The following PLEKHA8 variants were observed in gnomAD, a reference collection of about 807,000 sequenced individuals.
PLEKHA8 encodes the protein pleckstrin homology domain containing A8, also known as pleckstrin homology domain-containing family A member 8.
PLEKHA8 carries 36 observed loss-of-function variants against 68.2 expected under a neutral mutation model. The ratio of observed to expected loss-of-function variants is 0.53; its 90% CI spans 0.40 to 0.70. PLEKHA8 has a LOEUF of 0.70. Ranked by LOEUF, PLEKHA8 falls within the 30% of genes least tolerant of loss-of-function variation. The pLI, the probability that PLEKHA8 is intolerant of heterozygous loss-of-function variation, is 0.00. For synonymous variants in PLEKHA8, 211 were observed against 216.1 expected (o/e 0.98, Z 0.20); for missense variants, 505 against 615.4 (o/e 0.82, Z 1.90).
At chr7:30,109,610 A>AG (rs1382620971) in intron 13 of PLEKHA8, among the ~76,000 whole-genome samples, 25 of 109,148 alleles carry the variant, frequency 2.3e-4, no homozygotes, top group Non-Finnish European at 4.3e-4. Context: ...AAAAAAAAAA[A>AG]AAAGAGAGAG....
At position 30,082,964 on chromosome 7, in the gene PLEKHA8, C is replaced by A. The variant is rs532441163; in HGVS notation, c.*4177C>A. The A allele has an allele frequency of 1.1e-4, 111 of 985,366 alleles. No homozygotes were observed. In the African/African-American group the frequency reaches 1.9e-3, roughly 17 times the overall value. 61.0% of individuals were successfully genotyped at this position (985,366 alleles called of 1,614,324 possible). On this transcript the variant is annotated 3_prime_UTR_variant, in exon 14 of 14. Transcript: ENST00000449726. ...GCGTCTCTGAATCACTGATTAAAAC[C>A]AGTTGCTTCTGATTTTAGTCACAGG...
At chr7:30,071,677 T>C (rs1794247076) in intron 12 of PLEKHA8, 2 of 152,218 alleles carry the variant, frequency 1.3e-5, no homozygotes, top group South Asian at 4.1e-4. Context: ...TCTTGTTGAA[T>C]AGAGCAGGTG....
chr7:30,069,181 G>A lies in PLEKHA8; in HGVS notation c.1301-4890G>A, dbSNP rs370230550. On this transcript the variant is annotated intron_variant, in intron 12 of 13. Coordinates refer to ENST00000449726, the MANE Select transcript of PLEKHA8 (RefSeq NM_001197026.2). The stretch of plus-strand genomic sequence containing the variant: ...GATCTTAGGGCAAGCACACTTCCCC[G>A]GTGCCTATCTGTTTCCCACCAGCCT... Among the ~76,000 whole-genome samples the A allele has an allele frequency of 1.1e-3, 167 of 152,256 alleles. 3 individuals are homozygous for A. In the South Asian group the frequency reaches 0.033, roughly 30 times the overall value.
chr7:30,066,688 T>C (rs62446708), intron 12 of PLEKHA8, among the ~76,000 whole-genome samples: 21,957 of 152,234 alleles, frequency 0.14, 1,624 homozygotes, highest in Middle Eastern at 0.19. Flanking sequence ...AAAGTTGCTC[T>C]GGCATTTCAT....
intron 13 of PLEKHA8, among the ~76,000 whole-genome samples, chr7:30,119,050 G>A (rs1261947721): frequency 6.6e-6 from 1 of 152,224 alleles, no homozygotes; most frequent in Non-Finnish European, 1.5e-5. Flanking sequence ...CCGTGGTACA[G>A]ACATGACTGC....
intron 13 of PLEKHA8, among the ~76,000 whole-genome samples, chr7:30,116,170 A>G (rs1408076762): frequency 6.6e-6 from 1 of 151,424 alleles, no homozygotes; most frequent in African/African-American, 2.4e-5. Context: ...ATACATGTGT[A>G]TACATATGTA....
chr7:30,087,095 ACCTTTTGCTTTGGCTTGAGAGT>A (rs1795213565), downstream of PLEKHA8, among the ~76,000 whole-genome samples: 1 of 152,086 alleles, frequency 6.6e-6, no homozygotes, highest in African/African-American at 2.4e-5. Context: ...CAGTTTTAGG[ACCTTTTGCTTTGGCTTGAGAGT>A]CCAGCTTGTT....
chr7:30,052,127 G>A (rs993105905), intron 6 of PLEKHA8, among the ~76,000 whole-genome samples: 2 of 152,182 alleles, frequency 1.3e-5, no homozygotes, highest in African/African-American at 4.8e-5. Context: ...AAACCAAAGA[G>A]CTGTCAATGA....
intron 12 of PLEKHA8, chr7:30,071,799 C>T (rs1448072690): frequency 1.3e-5 from 2 of 152,206 alleles, no homozygotes; most frequent in Non-Finnish European, 2.9e-5. Context: ...CAGTATCTTA[C>T]CTTGGTAACT....
chr7:30,060,540 T>A (rs964653630), intron 9 of PLEKHA8, among the ~76,000 whole-genome samples: 1 of 152,212 alleles, frequency 6.6e-6, no homozygotes, highest in African/African-American at 2.4e-5. Flanking sequence ...TCCAGTACAT[T>A]TTGGTTAGTA....
intron 12 of PLEKHA8, among the ~76,000 whole-genome samples, chr7:30,068,358 C>T (rs1302275978): frequency 6.6e-6 from 1 of 152,212 alleles, no homozygotes. Context: ...AGTGAGAGTT[C>T]CCAATACTCC....
chr7:30,095,995 C>T (rs1795604754), intron 13 of PLEKHA8, among the ~76,000 whole-genome samples: 1 of 152,124 alleles, frequency 6.6e-6, no homozygotes, highest in Non-Finnish European at 1.5e-5. Context: ...TTAGGATTGA[C>T]TTGGCAATGC....
At chr7:30,107,742 G>A (rs533180739) in intron 13 of PLEKHA8, among the ~76,000 whole-genome samples, 86 of 152,172 alleles carry the variant, frequency 5.7e-4, no homozygotes, top group African/African-American at 2.0e-3. Context: ...GTTTACTAGT[G>A]ATATTAATTA....
rs1795787245 is a variant in PLEKHA8 at position 30,099,932 on chromosome 7, A to G, written c.1362+25800A>G. ...AATGTATCCTCTCATAGTTCTGGAGACTGGAAGTCCAAAACTAAGGTGTTG... is the reference window on the plus strand; with the variant it reads ...AATGTATCCTCTCATAGTTCTGGAGGCTGGAAGTCCAAAACTAAGGTGTTG... On this transcript the variant is annotated intron_variant, in intron 13 of 13. Coordinates refer to the PLEKHA8 transcript ENST00000396257. Among the ~76,000 whole-genome samples, 3 of 152,332 alleles carry G rather than the reference A, an allele frequency of 2.0e-5. 1 individual carries two copies. The South Asian group carries it at 6.2e-4, about 32-fold the overall frequency.
chr7:30,073,489 T>C (rs532371252), intron 12 of PLEKHA8, among the ~76,000 whole-genome samples: 2 of 150,884 alleles, frequency 1.3e-5, no homozygotes, highest in South Asian at 4.2e-4. Flanking sequence ...ATTGACCTTT[T>C]CCCACCATGA....
At chr7:30,030,016 C>G (rs1411259280) in intron 1 of PLEKHA8, among the ~76,000 whole-genome samples, 1 of 152,086 alleles carries the variant, frequency 6.6e-6, no homozygotes, top group Non-Finnish European at 1.5e-5. Context: ...GCGTCAAGGA[C>G]CTTCAGTGAT....
In PLEKHA8 at chr7:30,046,482, A is replaced by G. The variant is rs561288334; in HGVS notation, c.313+117A>G. ...CTAGCCAGCTTTTTGTGTCATGCAA[A>G]TGCTGTGTATCTTAGTATAATTTAA... On this transcript the variant is annotated intron_variant, in intron 3 of 13. Transcript: ENST00000449726. 8 of 1,139,580 alleles carry G rather than the reference A, an allele frequency of 7.0e-6. No homozygotes were observed. In the South Asian group the frequency reaches 8.4e-5, roughly 12 times the overall value. The allele number at this position is 1,139,580 out of a possible 1,614,324, so 70.6% of individuals were successfully genotyped here.
In PLEKHA8 at chr7:30,114,358, G is replaced by T. The variant is rs183292056; in HGVS notation, c.1363-14908G>T. On this transcript the variant is annotated intron_variant, in intron 13 of 13. Transcript: ENST00000396257. ...CTACTTTACAGATGAGGGACTTGAG[G>T]CACAGAAATATTAAGTGACACACCC... Among the ~76,000 whole-genome samples, 34 of 152,330 alleles carry T rather than the reference G, an allele frequency of 2.2e-4. No individual in the cohort carries two copies. The East Asian group carries it at 2.5e-3, about 11-fold the overall frequency.
At chr7:30,060,179 C>T (rs1193251914) in intron 9 of PLEKHA8, among the ~76,000 whole-genome samples, 3 of 151,936 alleles carry the variant, frequency 2.0e-5, no homozygotes, top group Non-Finnish European at 4.4e-5. Flanking sequence ...TGGTGGCTCA[C>T]GCCTGTAATC....
Sources: allele counts gnomAD v4.1 joint callset (sites outside exome capture counted in the v4.1 genomes callset), GRCh38; gene constraint gnomAD v4.1.1; transcripts MANE v1.5; gene names NCBI Gene and HGNC (gene_info 2026-07-23, HGNC 2026-07-21).